PITPNC1: variants seen among roughly 807,000 people sequenced by gnomAD.
The protein encoded by PITPNC1 is cytoplasmic phosphatidylinositol transfer protein 1.
A neutral mutation model predicts 44.7 loss-of-function variants in PITPNC1; 18 were observed. The ratio of observed to expected loss-of-function variants is 0.40; its 90% CI spans 0.28 to 0.60. The LOEUF (loss-of-function observed/expected upper bound fraction) is 0.60, where lower values mean the gene tolerates loss of function less well. PITPNC1 is among the 20% of genes least tolerant of loss of function. PITPNC1 has a pLI of 0.39. For missense variants in PITPNC1, 290 were observed against 418.4 expected (o/e 0.69, Z 2.68); for synonymous variants, 141 against 149.6 (o/e 0.94, Z 0.42).
chr17:67,412,658 C>CCGGG (rs928034851), intron 1 of PITPNC1, among the ~76,000 whole-genome samples: 3 of 152,104 alleles, frequency 2.0e-5, no homozygotes, highest in African/African-American at 7.2e-5. Context: ...CCTCCACCTC[C>CCGGG]CGGGTTCAAG....
intron 6 of PITPNC1, among the ~76,000 whole-genome samples, chr17:67,656,690 T>G (rs2042272229): frequency 6.6e-6 from 1 of 152,168 alleles, no homozygotes; most frequent in South Asian, 2.1e-4. Context: ...CGTTTTATAA[T>G]TGGCCAGACC....
chr17:67,435,115 A>C (rs1238371185), intron 1 of PITPNC1, among the ~76,000 whole-genome samples: 9 of 151,146 alleles, frequency 6.0e-5, no homozygotes, highest in Non-Finnish European at 8.9e-5. Context: ...TCTCAAAAAA[A>C]AAAAAAAAAA....
chr17:67,678,108 C>T (rs981129505), intron 8 of PITPNC1, among the ~76,000 whole-genome samples: 1 of 151,756 alleles, frequency 6.6e-6, no homozygotes, highest in Non-Finnish European at 1.5e-5. Flanking sequence ...CTTAGCTATT[C>T]AGGAGACCGA....
At chr17:67,441,313 G>C (rs985458886) in intron 1 of PITPNC1, among the ~76,000 whole-genome samples, 2 of 145,372 alleles carry the variant, frequency 1.4e-5, no homozygotes, top group African/African-American at 5.2e-5. Flanking sequence ...CAGTTATTTT[G>C]AGTGTCTCAA....
At chr17:67,518,576 G>C (rs1015085934) in intron 1 of PITPNC1, among the ~76,000 whole-genome samples, 1 of 152,166 alleles carries the variant, frequency 6.6e-6, no homozygotes, top group Non-Finnish European at 1.5e-5. Flanking sequence ...TGATCCAAGA[G>C]AGAACCTACA....
chr17:67,590,633 AG>A (rs2041377194), intron 5 of PITPNC1, among the ~76,000 whole-genome samples: 1 of 152,208 alleles, frequency 6.6e-6, no homozygotes, highest in Admixed American at 6.5e-5. Context: ...TTTCTCTGCA[AG>A]TGACTTACTA....
intron 6 of PITPNC1, among the ~76,000 whole-genome samples, chr17:67,656,719 AAGGCC>A (rs1221829323): frequency 3.3e-5 from 5 of 152,146 alleles, no homozygotes; most frequent in African/African-American, 1.2e-4. Flanking sequence ...TGCCTGTGGA[AAGGCC>A]CAGGGGATTT....
At chr17:67,456,114 A>G (rs141993276) in intron 1 of PITPNC1, among the ~76,000 whole-genome samples, 9 of 152,342 alleles carry the variant, frequency 5.9e-5, no homozygotes, top group African/African-American at 2.2e-4. Flanking sequence ...AACTTTAAGT[A>G]ACTTGTCTAA....
At chr17:67,607,960 C>T (rs1395259474) in intron 5 of PITPNC1, among the ~76,000 whole-genome samples, 1 of 151,998 alleles carries the variant, frequency 6.6e-6, no homozygotes, top group Non-Finnish European at 1.5e-5. Flanking sequence ...AAACTCTTGA[C>T]CTCAGGCGAT....
intron 4 of PITPNC1, among the ~76,000 whole-genome samples, chr17:67,565,267 C>G (rs935267382): frequency 2.7e-5 from 4 of 149,088 alleles, no homozygotes; most frequent in African/African-American, 9.9e-5. Context: ...TGTGTATACT[C>G]ATTTTCCATG....
At chr17:67,471,399 T>C in intron 1 of PITPNC1, 1 of 313,472 alleles carries the variant, frequency 3.2e-6, no homozygotes. Context: ...TTGGATGATT[T>C]TGAGTAAAGT....
At chr17:67,546,654 A>T (rs2040688117) in intron 2 of PITPNC1, among the ~76,000 whole-genome samples, 1 of 152,146 alleles carries the variant, frequency 6.6e-6, no homozygotes, top group African/African-American at 2.4e-5. Flanking sequence ...CCTTCCAGGA[A>T]CCTGCAGGAG....
intron 6 of PITPNC1, among the ~76,000 whole-genome samples, chr17:67,633,495 TGG>T (rs1158395554): frequency 6.6e-6 from 1 of 152,232 alleles, no homozygotes; most frequent in Non-Finnish European, 1.5e-5. Context: ...CTGAAAGGGC[TGG>T]GGAGAGGCTG....
intron 1 of PITPNC1, among the ~76,000 whole-genome samples, chr17:67,464,054 A>T (rs973540680): frequency 6.6e-6 from 1 of 152,054 alleles, no homozygotes; most frequent in Non-Finnish European, 1.5e-5. Flanking sequence ...TTGGCCAGGT[A>T]CAGTGGCTCG....
chr17:67,613,114 T>TCAGGATGC (rs1450011356), intron 5 of PITPNC1: 1 of 152,270 alleles, frequency 6.6e-6, no homozygotes, highest in Non-Finnish European at 1.5e-5. Flanking sequence ...GGAGAATCAC[T>TCAGGATGC]TGAACCCAGG....
intron 4 of PITPNC1, among the ~76,000 whole-genome samples, chr17:67,567,344 C>T (rs978861094): frequency 2.6e-5 from 4 of 152,016 alleles, no homozygotes; most frequent in African/African-American, 9.7e-5. Context: ...ATTAGCCAGG[C>T]GTGGTGGCAG....
At chr17:67,664,722 G>A (rs2042397330) in intron 6 of PITPNC1, among the ~76,000 whole-genome samples, 1 of 151,992 alleles carries the variant, frequency 6.6e-6, no homozygotes, top group Non-Finnish European at 1.5e-5. Flanking sequence ...TGGCCAACAT[G>A]GTGAAACCCC....
At chr17:67,382,503 T>C (rs1418003046) in intron 1 of PITPNC1, among the ~76,000 whole-genome samples, 1 of 152,178 alleles carries the variant, frequency 6.6e-6, no homozygotes, top group East Asian at 1.9e-4. Context: ...AATATAAGCC[T>C]GTTGGAAAGG....
chr17:67,454,201 A>C (rs2039223928), intron 1 of PITPNC1, among the ~76,000 whole-genome samples: 1 of 151,794 alleles, frequency 6.6e-6, no homozygotes, highest in Admixed American at 6.6e-5. Context: ...CAGTGAGCCA[A>C]GATTGTGCCA....
Sources: allele counts gnomAD v4.1 joint callset (sites outside exome capture counted in the v4.1 genomes callset), GRCh38; gene constraint gnomAD v4.1.1; transcripts MANE v1.5; gene names NCBI Gene and HGNC (gene_info 2026-07-23, HGNC 2026-07-21).